DYM: variants seen among roughly 807,000 people sequenced by gnomAD.
DYM encodes dyggve-Melchior-Clausen syndrome protein.
Under a neutral mutation model 93.1 loss-of-function variants are expected in DYM, and 78 were observed. The ratio of observed to expected loss-of-function variants is 0.84; its 90% CI spans 0.70 to 1.01. The LOEUF is 1.01. Ranked by LOEUF, DYM falls within the 50% of genes least tolerant of loss-of-function variation. The pLI, the probability that DYM is intolerant of heterozygous loss-of-function variation, is 0.00. For synonymous variants in DYM, 321 were observed against 319.7 expected, an observed-to-expected ratio of 1.00 and a Z score of -0.04; for missense variants, 789 against 845.0, an observed-to-expected ratio of 0.93 and a Z score of 0.82.
chr18:49,322,048 C>G (rs2062523718), intron 8 of DYM, among the ~76,000 whole-genome samples: 1 of 152,052 alleles, frequency 6.6e-6, no homozygotes, highest in Non-Finnish European at 1.5e-5. Flanking sequence ...CCATACCCAT[C>G]ACAATGAATT....
chr18:49,394,511 T>C (rs930183952), intron 2 of DYM, among the ~76,000 whole-genome samples: 1 of 152,210 alleles, frequency 6.6e-6, no homozygotes, highest in African/African-American at 2.4e-5. Context: ...TTGGCTATTC[T>C]GGGTCTTCTG....
At chr18:49,057,447 G>A (rs1489236469) in intron 17 of DYM, among the ~76,000 whole-genome samples, 1 of 152,228 alleles carries the variant, frequency 6.6e-6, no homozygotes, top group Non-Finnish European at 1.5e-5. Flanking sequence ...GCACGATGGG[G>A]CCAGAAAGAG....
rs1171667861 is a variant in DYM, at chr18:49,038,209, C to T, written c.*5846G>A. 1.3e-5 allele frequency among the ~76,000 whole-genome samples: 2 copies of T among 152,288 alleles called. No individual in the cohort carries two copies. The highest frequency in any genetic ancestry group is 3.9e-4 in the East Asian group (2 of 5,192). On this transcript the variant is annotated 3_prime_UTR_variant, in exon 18 of 18. Transcript: ENST00000675505. ...GTTATTGAGTTTGGTGTCCTACATACATCCGTTTGGTTTGCTCATTTCATT... is the reference window on the plus strand; with the variant it reads ...GTTATTGAGTTTGGTGTCCTACATATATCCGTTTGGTTTGCTCATTTCATT...
At chr18:49,413,457 CA>C (rs1318369763) in intron 2 of DYM, among the ~76,000 whole-genome samples, 8 of 147,988 alleles carry the variant, frequency 5.4e-5, no homozygotes, top group African/African-American at 4.9e-5. Context: ...ATTATATTAT[CA>C]TTATATCATT....
intron 16 of DYM, among the ~76,000 whole-genome samples, chr18:49,113,362 G>A (rs1310633809): frequency 1.3e-5 from 2 of 152,146 alleles, no homozygotes; most frequent in South Asian, 2.1e-4. Flanking sequence ...ATTCTACCTT[G>A]TCTTGCTGCT....
At chr18:49,079,892 C>T (rs541905228) in intron 17 of DYM, among the ~76,000 whole-genome samples, 7 of 151,716 alleles carry the variant, frequency 4.6e-5, no homozygotes, top group African/African-American at 1.7e-4. Context: ...CCATTGTCAT[C>T]CCGGCCCGTT....
chr18:49,227,872 T>C (rs2093584667), intron 13 of DYM, among the ~76,000 whole-genome samples: 1 of 152,084 alleles, frequency 6.6e-6, no homozygotes, highest in Non-Finnish European at 1.5e-5. Flanking sequence ...CTGCTGACTA[T>C]CTGGAGATAC....
intron 8 of DYM, among the ~76,000 whole-genome samples, chr18:49,318,996 G>A (rs978642156): frequency 2.0e-5 from 3 of 151,498 alleles, no homozygotes; most frequent in Admixed American, 1.3e-4. Context: ...TAGTAGAGAC[G>A]GGGTTTCACC....
At chr18:49,377,837 C>T (rs997844752) in intron 5 of DYM, among the ~76,000 whole-genome samples, 1 of 152,178 alleles carries the variant, frequency 6.6e-6, no homozygotes, top group Non-Finnish European at 1.5e-5. Context: ...CACAGACCTC[C>T]ATTAAAAGTA....
At chr18:49,409,154 C>T (rs988333792) in intron 2 of DYM, among the ~76,000 whole-genome samples, 1 of 151,522 alleles carries the variant, frequency 6.6e-6, no homozygotes, top group South Asian at 2.1e-4. Context: ...CATGGTGGCT[C>T]ACACTTGTAG....
intron 13 of DYM, among the ~76,000 whole-genome samples, chr18:49,251,930 C>T (rs1018562336): frequency 5.9e-5 from 9 of 151,758 alleles, no homozygotes; most frequent in South Asian, 4.2e-4. Flanking sequence ...AAGAACTGCC[C>T]GAGGCTTGCA....
intron 1 of DYM, among the ~76,000 whole-genome samples, chr18:49,454,201 A>G (rs2082772036): frequency 6.6e-6 from 1 of 152,182 alleles, no homozygotes; most frequent in Non-Finnish European, 1.5e-5. Flanking sequence ...AACAGCAGTT[A>G]GGGTTGCCAC....
intron 16 of DYM, among the ~76,000 whole-genome samples, chr18:49,106,041 C>G (rs1290321359): frequency 6.6e-6 from 1 of 152,178 alleles, no homozygotes; most frequent in East Asian, 1.9e-4. Flanking sequence ...GTGTGGGAGT[C>G]TAAGTCTCTT....
chr18:49,228,230 T>G (rs1157359019), intron 13 of DYM, among the ~76,000 whole-genome samples: 1 of 152,182 alleles, frequency 6.6e-6, no homozygotes, highest in Non-Finnish European at 1.5e-5. Context: ...CAAGTCATCT[T>G]ATGTATGGGA....
intron 17 of DYM, among the ~76,000 whole-genome samples, chr18:49,087,114 C>A (rs969228312): frequency 6.6e-6 from 1 of 152,142 alleles, no homozygotes; most frequent in Admixed American, 6.5e-5. Context: ...AGTCCCTTAC[C>A]AGACACTAAA....
intron 14 of DYM, among the ~76,000 whole-genome samples, chr18:49,190,786 A>C (rs1437909752): frequency 6.6e-6 from 1 of 151,742 alleles, no homozygotes; most frequent in African/African-American, 2.4e-5. Flanking sequence ...ACCTCCCCCT[A>C]CTCGTCCTCC....
chr18:49,348,230 A>C (rs982249456), intron 6 of DYM, among the ~76,000 whole-genome samples: 2 of 152,230 alleles, frequency 1.3e-5, no homozygotes, highest in African/African-American at 4.8e-5. Context: ...AAGTTTAATA[A>C]AAACAACTGA....
intron 14 of DYM, among the ~76,000 whole-genome samples, chr18:49,199,373 A>G (rs1289912298): frequency 6.6e-6 from 1 of 152,266 alleles, no homozygotes; most frequent in Non-Finnish European, 1.5e-5. Flanking sequence ...AACTTAAAGT[A>G]TAATTAAATA....
intron 6 of DYM, among the ~76,000 whole-genome samples, chr18:49,338,547 A>G (rs1266111703): frequency 1.3e-5 from 2 of 152,226 alleles, no homozygotes; most frequent in Non-Finnish European, 2.9e-5. Flanking sequence ...ACAGCATGGT[A>G]TTTGTATAAA....
Sources: allele counts gnomAD v4.1 joint callset (sites outside exome capture counted in the v4.1 genomes callset), GRCh38; gene constraint gnomAD v4.1.1; transcripts MANE v1.5; gene names NCBI Gene and HGNC (gene_info 2026-07-23, HGNC 2026-07-21).